ZFYVE26: variants seen among roughly 807,000 people sequenced by gnomAD.
ZFYVE26 encodes the protein zinc finger FYVE-type containing 26, also known as zinc finger FYVE domain-containing protein 26.
Under a neutral mutation model 276.5 loss-of-function variants are expected in ZFYVE26, and 181 were observed. The observed-to-expected ratio is 0.65, with a 90% confidence interval of 0.58 to 0.74. ZFYVE26 has a LOEUF of 0.74. ZFYVE26 is among the 30% of genes least tolerant of loss of function. The probability of loss-of-function intolerance (pLI) is 0.00; values close to 1 mark genes in which losing one functional copy is unlikely to be tolerated. For synonymous variants in ZFYVE26, 1,129 were observed against 1,203.1 expected (o/e 0.94, Z 1.27); for missense variants, 2,821 against 3,097.9 (o/e 0.91, Z 2.12).
intron 13 of ZFYVE26, chr14:67,733,997 T>G: frequency 3.2e-6 from 2 of 626,248 alleles, no homozygotes; most frequent in Non-Finnish European, 5.9e-6. Flanking sequence ...TCTGGGAATG[T>G]TTGCACACCT....
At chr14:67,778,725 C>G (rs1461391797) in intron 23 of ZFYVE26, among the ~76,000 whole-genome samples, 1 of 151,652 alleles carries the variant, frequency 6.6e-6, no homozygotes, top group Non-Finnish European at 1.5e-5. Flanking sequence ...CTCACTACCC[C>G]CCAACCCCAA....
intron 13 of ZFYVE26, among the ~76,000 whole-genome samples, chr14:67,730,787 C>T (rs568918573): frequency 2.0e-5 from 3 of 152,058 alleles, no homozygotes; most frequent in South Asian, 4.1e-4. Context: ...TATTTTTAGT[C>T]GAGATGGGCT....
At chr14:67,753,916 A>T in intron 38 of ZFYVE26, 150 bp from the exon 39 acceptor site, 1 of 1,500,960 alleles carries the variant, frequency 6.7e-7, no homozygotes, top group Non-Finnish European at 9.2e-7. Context: ...AAGAATGATC[A>T]AAATGGACCT....
At chr14:67,729,906 C>G (rs780380121) in intron 13 of ZFYVE26, 6 of 436,508 alleles carry the variant, frequency 1.4e-5, no homozygotes, top group Non-Finnish European at 2.7e-5. Flanking sequence ...AAGGGAAGCC[C>G]AGGGTGAAAT....
rs2039991109 is a variant in ZFYVE26 at position 67,797,931 on chromosome 14, A to G, written c.2248+83T>C. On this transcript the variant is annotated intron_variant, in intron 11 of 41. Coordinates refer to ENST00000347230, the MANE Select transcript of ZFYVE26 (RefSeq NM_015346.4). ...TGCCCTGAGTTATGGGGTGACTCCTATGTACTCCTAGCTCTCTCCCATATT... is the reference window on the plus strand; with the variant it reads ...TGCCCTGAGTTATGGGGTGACTCCTGTGTACTCCTAGCTCTCTCCCATATT... 5 of 1,607,220 alleles carry G rather than the reference A, an allele frequency of 3.1e-6. No homozygotes were observed. The South Asian group carries it at 4.4e-5, about 14-fold the overall frequency.
At chr14:67,756,195 A>G in intron 35 of ZFYVE26, 50 bp from the exon 36 acceptor site, 1 of 1,588,248 alleles carries the variant, frequency 6.3e-7, no homozygotes, top group Non-Finnish European at 8.6e-7. Flanking sequence ...TGGTTCTGGC[A>G]CTGTCTGGGA....
At chr14:67,752,899 A>G (rs1293272602) in intron 39 of ZFYVE26, among the ~76,000 whole-genome samples, 1 of 152,138 alleles carries the variant, frequency 6.6e-6, no homozygotes, top group Admixed American at 6.5e-5. Context: ...CAGGTGACTT[A>G]GTGTTCAGAA....
chr14:67,755,384 C>T (rs1295960769), intron 36 of ZFYVE26, 134 bp from the exon 37 acceptor site: 1 of 1,040,956 alleles, frequency 9.6e-7, no homozygotes, highest in Admixed American at 2.0e-5. Context: ...AGCTGAACTG[C>T]TATTTTGAGC....
rs2039158933 is a variant in ZFYVE26, at chr14:67,769,799, T to A, written c.5485-69A>T. ...GGGGAGATTGCCATCAATCCATTTA[T>A]ACATGGTATTAACTACCAGTGGCTT... is the stretch of plus-strand genomic sequence containing the variant. On this transcript the variant is annotated intron_variant, in intron 28 of 41. Transcript: ENST00000347230. 3.1e-6 allele frequency: 5 copies of A among 1,605,890 alleles called. No homozygotes were observed. The Admixed American group carries it at 8.4e-5, about 27-fold the overall frequency.
At chr14:67,809,117 A>C in intron 4 of ZFYVE26, 83 bp downstream of exon 4, 1 of 1,152,500 alleles carries the variant, frequency 8.7e-7, no homozygotes, top group Non-Finnish European at 1.3e-6. Context: ...CATCTTGGAG[A>C]CCTCTCTCTT....
intron 4 of ZFYVE26, among the ~76,000 whole-genome samples, chr14:67,808,590 C>T (rs2040232052): frequency 6.6e-6 from 1 of 151,990 alleles, no homozygotes. Context: ...TAGGTTATTT[C>T]CCATACTTAA....
chr14:67,730,586 A>G (rs1405203149), intron 13 of ZFYVE26, among the ~76,000 whole-genome samples: 1 of 152,184 alleles, frequency 6.6e-6, no homozygotes, highest in Non-Finnish European at 1.5e-5. Context: ...TAAATGTAAA[A>G]TCCTAAATAC....
intron 1 of ZFYVE26, 54 bp from the exon 2 acceptor site, chr14:67,816,100 A>C: frequency 3.0e-6 from 2 of 668,514 alleles, no homozygotes; most frequent in Admixed American, 3.0e-5. Context: ...TATTAAGACA[A>C]AGCAGCAACT....
downstream of ZFYVE26, among the ~76,000 whole-genome samples, chr14:67,746,322 G>A (rs1393875086): frequency 6.6e-6 from 1 of 152,110 alleles, no homozygotes. Context: ...TTTTCTGGTG[G>A]TAGAGGGTGC....
intron 13 of ZFYVE26, among the ~76,000 whole-genome samples, chr14:67,733,592 A>G (rs1350138902): frequency 6.6e-6 from 1 of 152,178 alleles, no homozygotes; most frequent in African/African-American, 2.4e-5. Flanking sequence ...TTGTTTTTAA[A>G]ATATTTTTGG....
chr14:67,809,189 C>T lies in ZFYVE26; in HGVS notation c.363+11G>A. 1 of 1,611,746 alleles carries T rather than the reference C, an allele frequency of 6.2e-7. No individual in the cohort carries two copies. The highest frequency in any genetic ancestry group is 1.7e-4 in the Middle Eastern group (1 of 6,058). ...CAACCCTGGGCAGATGGTACCAGGG[C>T]TCTCTCTCACCTCGAGGATGTTCTC... On this transcript the variant is annotated intron_variant, in intron 4 of 41. Coordinates refer to ENST00000347230, the MANE Select transcript of ZFYVE26 (RefSeq NM_015346.4).
Position 67,767,721 on chromosome 14 carries a change from C to T in ZFYVE26, c.5773G>A (p.Glu1925Lys). Residue 1925 changes from glutamate to lysine, a missense_variant, in exon 31 of 42, where the codon GAA (glutamate) becomes AAA (lysine). By Grantham distance (56) the Glu-to-Lys change is moderately conservative. Transcript: ENST00000347230. ...GCTATTACCTGCTCATAGTAAAATT[C>T]ACTCCGCACCAGCTCATTTTCCTCC... The part of the protein sequence containing the change: ...KEEENELVRS[E>K]FYYEQAPSAS... The T allele has an allele frequency of 6.2e-7, 1 of 1,614,146 alleles. No homozygotes were observed. The highest frequency in any genetic ancestry group is 8.5e-7 in the Non-Finnish European group (1 of 1,180,034).
At position 67,783,301 on chromosome 14, in the gene ZFYVE26, A is replaced by G. The variant is rs1458593767; in HGVS notation, c.3851T>C (p.Leu1284Ser). ...SSPRTTENPT[L>S]ERKPYSSPRD... ...TGGGGAGGAGTAGGGCTTTCTTTCC[A>G]ATGTAGGGTTCTCAGTTGTCCTCGG... Residue 1284 changes from leucine (L) to serine (S), a missense_variant, in exon 21 of 42, where the codon TTG (leucine) becomes TCG (serine). By Grantham distance (145) the Leu-to-Ser change is moderately radical. Coordinates refer to ENST00000347230, the MANE Select transcript of ZFYVE26 (RefSeq NM_015346.4). 15 of 1,613,004 alleles carry G rather than the reference A, an allele frequency of 9.3e-6. No individual in the cohort carries two copies. In the African/African-American group the frequency reaches 2.0e-4, roughly 22 times the overall value.
Position 67,782,850 on chromosome 14 carries a change from T to C in ZFYVE26, c.4302A>G (p.Glu1434=), listed in dbSNP as rs749081587. 1.9e-6 allele frequency: 3 copies of C among 1,614,170 alleles called. No individual in the cohort carries two copies. In the South Asian group the frequency reaches 3.3e-5, roughly 18 times the overall value. The change falls in exon 21 of 42, where the codon GAA becomes GAG. Residue 1434 remains glutamate, a synonymous_variant. Coordinates refer to ENST00000347230, the MANE Select transcript of ZFYVE26 (RefSeq NM_015346.4). ...RDWSRALQLT[E]VYGRDVDDLS... ...AATCGTCCACATCTCGCCCGTACAC[T>C]TCAGTGAGCTGAAGGGCCCGGGACC...
Sources: allele counts gnomAD v4.1 joint callset (sites outside exome capture counted in the v4.1 genomes callset), GRCh38; gene constraint gnomAD v4.1.1; transcripts MANE v1.5; gene names NCBI Gene and HGNC (gene_info 2026-07-23, HGNC 2026-07-21).